The following LINC00305 variants were observed in gnomAD, a reference collection of about 807,000 sequenced individuals.
The protein encoded by LINC00305 is long independently transcribed non-coding RNA 305, also known as long intergenic non-protein coding RNA 305.
chr18:64,105,702 A>C (rs2051287601), intron 1 of LINC00305, among the ~76,000 whole-genome samples: 1 of 152,200 alleles, frequency 6.6e-6, no homozygotes. Flanking sequence ...ATTTGCATTA[A>C]AATGAAATTT....
chr18:64,089,950 AT>A (rs2051218487), intron 3 of LINC00305, among the ~76,000 whole-genome samples: 1 of 152,212 alleles, frequency 6.6e-6, no homozygotes, highest in Non-Finnish European at 1.5e-5. Context: ...TCAAGATGAG[AT>A]TTGGGTGGGG....
At chr18:64,100,417 C>G (rs1191778218) in intron 1 of LINC00305, among the ~76,000 whole-genome samples, 3 of 152,118 alleles carry the variant, frequency 2.0e-5, no homozygotes, top group African/African-American at 7.2e-5. Flanking sequence ...TCAGGACTGT[C>G]CCGGTGCTGG....
At chr18:64,134,124 A>G (rs1015829198) in intron 1 of LINC00305, among the ~76,000 whole-genome samples, 3 of 152,210 alleles carry the variant, frequency 2.0e-5, no homozygotes, top group Non-Finnish European at 4.4e-5. Flanking sequence ...TTAGTTCAAT[A>G]TAAATATATC....
At chr18:64,124,679 C>T (rs150200028) in intron 1 of LINC00305, among the ~76,000 whole-genome samples, 3 of 152,120 alleles carry the variant, frequency 2.0e-5, no homozygotes, top group Non-Finnish European at 4.4e-5. Flanking sequence ...TTAATAATAA[C>T]GATGATGATG....
intron 1 of LINC00305, among the ~76,000 whole-genome samples, chr18:64,138,793 T>A (rs1016318543): frequency 2.0e-5 from 3 of 152,218 alleles, no homozygotes; most frequent in African/African-American, 7.2e-5. Flanking sequence ...AGCTTCTATT[T>A]GACTCTCTGT....
At chr18:64,133,572 A>G (rs1183659617) in intron 1 of LINC00305, among the ~76,000 whole-genome samples, 1 of 152,190 alleles carries the variant, frequency 6.6e-6, no homozygotes, top group Non-Finnish European at 1.5e-5. Flanking sequence ...ATTCCTTTCT[A>G]TCTTTCTACT....
chr18:64,096,030 G>A (rs1176533917), intron 3 of LINC00305, among the ~76,000 whole-genome samples: 1 of 151,372 alleles, frequency 6.6e-6, no homozygotes, highest in Admixed American at 6.6e-5. Context: ...TAATGGTCCT[G>A]ATAAAAAAAA....
intron 1 of LINC00305, among the ~76,000 whole-genome samples, chr18:64,127,080 C>G (rs575715050): frequency 6.6e-6 from 1 of 152,042 alleles, no homozygotes; most frequent in Non-Finnish European, 1.5e-5. Flanking sequence ...CCTTCCTCCC[C>G]GCCCCCTGCC....
chr18:64,129,993 A>G (rs905213339), intron 1 of LINC00305, among the ~76,000 whole-genome samples: 1 of 143,596 alleles, frequency 7.0e-6, no homozygotes, highest in Non-Finnish European at 1.5e-5. Flanking sequence ...TTTTTTTTTT[A>G]ATTATACTTT....
rs113992143 is a variant in LINC00305 at position 64,105,198 on chromosome 18, C to T, written n.315-6558G>A. 6.8e-3 allele frequency among the ~76,000 whole-genome samples: 1,032 copies of T among 152,254 alleles called. 12 individuals are homozygous for T. Among genetic ancestry groups the T allele is most frequent in the African/African-American group, 0.024 (990 of 41,544 alleles). On this transcript the variant is annotated intron_variant and non_coding_transcript_variant, in intron 1 of 3. Coordinates refer to ENST00000666468, the Ensembl canonical transcript of LINC00305. ...TTTCTAGGCCGGGTGTGGTGTCTCA[C>T]GGCTGTAATCCCAGCACTTAGGGAG...
At chr18:64,080,849 G>T (rs1482459034) in intron 3 of LINC00305, among the ~76,000 whole-genome samples, 1 of 152,094 alleles carries the variant, frequency 6.6e-6, no homozygotes, top group East Asian at 1.9e-4. Context: ...GGTAAGTCTA[G>T]AATCACCTTC....
chr18:64,139,978 C>T (rs1264241572), intron 1 of LINC00305, among the ~76,000 whole-genome samples: 1 of 152,072 alleles, frequency 6.6e-6, no homozygotes, highest in Non-Finnish European at 1.5e-5. Context: ...CATGCTGTTC[C>T]AGTGACACTG....
At chr18:64,093,389 C>T (rs555322978) in intron 3 of LINC00305, among the ~76,000 whole-genome samples, 1 of 152,156 alleles carries the variant, frequency 6.6e-6, no homozygotes, top group Non-Finnish European at 1.5e-5. Context: ...GGCTGGAGTA[C>T]AGTGGTGCGA....
At chr18:64,096,623 A>G (rs1404531718) in intron 3 of LINC00305, among the ~76,000 whole-genome samples, 14 of 151,934 alleles carry the variant, frequency 9.2e-5, no homozygotes, top group Admixed American at 7.9e-4. Flanking sequence ...ACAGTATACA[A>G]CAAAGTTAAT....
intron 3 of LINC00305, among the ~76,000 whole-genome samples, chr18:64,083,123 T>A (rs1277371995): frequency 6.6e-6 from 1 of 152,222 alleles, no homozygotes; most frequent in Non-Finnish European, 1.5e-5. Context: ...TTTAATTTTC[T>A]TTTTGTATTT....
At chr18:64,118,692 T>G (rs2051348452) in intron 1 of LINC00305, among the ~76,000 whole-genome samples, 1 of 152,132 alleles carries the variant, frequency 6.6e-6, no homozygotes. Context: ...ATATATAAAT[T>G]TAAAATTATG....
chr18:64,143,580 A>G (rs1338422448), intron 1 of LINC00305, among the ~76,000 whole-genome samples: 25 of 87,466 alleles, frequency 2.9e-4, no homozygotes, highest in African/African-American at 1.3e-3. Context: ...ACATATGTAT[A>G]TGTACATATG....
At chr18:64,148,526 A>T (rs879551618) in intron 1 of LINC00305, among the ~76,000 whole-genome samples, 27 of 152,144 alleles carry the variant, frequency 1.8e-4, no homozygotes, top group Non-Finnish European at 3.2e-4. Flanking sequence ...AAGTGGAACA[A>T]GGTTCCCTTT....
chr18:64,095,342 A>ACATAC (rs2051241174), intron 3 of LINC00305, among the ~76,000 whole-genome samples: 1 of 152,310 alleles, frequency 6.6e-6, no homozygotes, highest in Admixed American at 6.5e-5. Flanking sequence ...AAGGAGAGGG[A>ACATAC]CATAGTACTC....
Sources: allele counts gnomAD v4.1 joint callset (sites outside exome capture counted in the v4.1 genomes callset), GRCh38; gene constraint gnomAD v4.1.1; transcripts MANE v1.5; gene names NCBI Gene and HGNC (gene_info 2026-07-23, HGNC 2026-07-21).